The following PRPF38B variants were observed in gnomAD, a reference collection of about 807,000 sequenced individuals.
The protein encoded by PRPF38B is pre-mRNA processing factor 38B.
In PRPF38B, 18 loss-of-function variants were observed where a neutral mutation model predicts 67.2. The observed-to-expected ratio is 0.27, with a 90% confidence interval of 0.19 to 0.40. The LOEUF (loss-of-function observed/expected upper bound fraction) is 0.40, where lower values mean the gene tolerates loss of function less well. PRPF38B is among the 10% of genes least tolerant of loss of function. The probability of loss-of-function intolerance (pLI) is 1.00; values close to 1 mark genes in which losing one functional copy is unlikely to be tolerated. For synonymous variants in PRPF38B, 246 were observed against 234.2 expected (o/e 1.05, Z -0.46); for missense variants, 544 against 684.9 (o/e 0.79, Z 2.30).
At chr1:108,696,778 C>T (rs1182338766) in intron 4 of PRPF38B, 4 of 716,200 alleles carry the variant, frequency 5.6e-6, no homozygotes, top group African/African-American at 5.2e-5. Flanking sequence ...TCAGTATTCC[C>T]ACTTGCATAG....
intron 4 of PRPF38B, chr1:108,697,632 T>C (rs534254727): frequency 2.6e-5 from 4 of 152,166 alleles, no homozygotes; most frequent in Non-Finnish European, 5.9e-5. Context: ...GGTCTTTTTA[T>C]CTTTAGATCA....
At chr1:108,697,538 C>CTTTTTTTTTTTCTTTTTTTT (rs1660015166) in intron 4 of PRPF38B, 1 of 146,072 alleles carries the variant, frequency 6.8e-6, no homozygotes, top group African/African-American at 2.6e-5. Context: ...TTATTTTTCT[C>CTTTTTTTTTTTCTTTTTTTT]TTTTTTTTTT....
intron 1 of PRPF38B, among the ~76,000 whole-genome samples, chr1:108,695,100 G>C (rs1180542507): frequency 6.6e-6 from 1 of 152,020 alleles, no homozygotes; most frequent in Non-Finnish European, 1.5e-5. Flanking sequence ...TGACCCTGGT[G>C]GAAAAAATGT....
chr1:108,692,881 AGGCCTT>A lies in PRPF38B; in HGVS notation c.276+18_276+23del. On this transcript the variant is annotated intron_variant, in intron 1 of 5. Coordinates refer to ENST00000370025, the MANE Select transcript of PRPF38B (RefSeq NM_018061.4). ...ATCTACTTTAAGGTACGAAGTGTGT[AGGCCTT>A]GGCTTTGGGGGTAAGTTCGGAAGAG... 6.2e-7 allele frequency: 1 copy of A among 1,601,758 alleles called. No homozygotes were observed. The highest frequency in any genetic ancestry group is 8.5e-7 in the Non-Finnish European group (1 of 1,171,872).
In PRPF38B at chr1:108,692,325, G is replaced by A. The variant is rs1659365947; in HGVS notation, c.-267G>A. The A allele has an allele frequency of 3.9e-6, 2 of 514,534 alleles. No homozygotes were observed. The highest frequency in any genetic ancestry group is 6.9e-6 in the Non-Finnish European group (2 of 289,184). 31.9% of individuals were successfully genotyped at this position (514,534 alleles called of 1,614,324 possible). ...CGGGCCCGCCATCTTGTTCCCAGGGGCAGTTGGCGGAAGAGATCGAGCTCC... is the reference window on the plus strand; with the variant it reads ...CGGGCCCGCCATCTTGTTCCCAGGGACAGTTGGCGGAAGAGATCGAGCTCC... On this transcript the variant is annotated 5_prime_UTR_variant, in exon 1 of 6. Transcript: ENST00000370025.
rs1209984968 is a variant in PRPF38B, at chr1:108,696,331, T to C, written c.552T>C (p.Asp184=). 4 of 1,608,180 alleles carry C rather than the reference T, an allele frequency of 2.5e-6. No individual in the cohort carries two copies. The highest frequency in any genetic ancestry group is 2.2e-5 in the East Asian group (1 of 44,804). The stretch of plus-strand genomic sequence containing the variant: ...ACTGGTTTGAATCCTTCCTTGATGA[T>C]GAAGAGGTATGTCAACAAGGGTAAT... ...LWDWFESFLD[D]EEDLDVKAGG... The change falls in exon 4 of 6, where the codon GAT becomes GAC. Residue 184 remains aspartate, a synonymous_variant. Coordinates refer to ENST00000370025, the MANE Select transcript of PRPF38B (RefSeq NM_018061.4).
Position 108,699,788 on chromosome 1 carries a change from G to A in PRPF38B, c.1409G>A (p.Arg470Gln), listed in dbSNP as rs373588107. The change falls in exon 6 of 6, where the codon CGA (arginine) becomes CAA (glutamine). Residue 470 changes from arginine (R) to glutamine (Q), a missense_variant. Coordinates refer to ENST00000370025, the MANE Select transcript of PRPF38B (RefSeq NM_018061.4). ...KNESKEKSNK[R>Q]SRSGSQGRTD... Reference sequence around the variant, plus strand: ...GAAAGTAAAGAAAAATCAAATAAACGAAGTCGAAGTGGCAGTCAAGGAAGA... The same window carrying A: ...GAAAGTAAAGAAAAATCAAATAAACAAAGTCGAAGTGGCAGTCAAGGAAGA... 43 of 1,612,828 alleles carry A rather than the reference G, an allele frequency of 2.7e-5. No homozygotes were observed. The highest frequency in any genetic ancestry group is 3.2e-5 in the Non-Finnish European group (38 of 1,179,788).
chr1:108,698,572 TGACGGCTAG>T, intron 4 of PRPF38B, 23 bp from the exon 5 acceptor site: 1 of 1,466,570 alleles, frequency 6.8e-7, no homozygotes, highest in Middle Eastern at 1.8e-4. Context: ...ATACTTTTTT[TGACGGCTAG>T]GGTATCTTTT....
chr1:108,699,125 T>G, intron 5 of PRPF38B, 37 bp from the exon 6 acceptor site: 1 of 1,554,226 alleles, frequency 6.4e-7, no homozygotes. Flanking sequence ...ATATGTTTTA[T>G]TCATTGAAAT....
In PRPF38B at chr1:108,696,200, C is replaced by T. The variant is rs376249570; in HGVS notation, c.497+6C>T. The stretch of plus-strand genomic sequence containing the variant: ...CTTGGATTTATGTATATAAGGTGAG[C>T]GTACATTTATGTACATTTCCAGTAA... On this transcript the variant is annotated splice_donor_region_variant and intron_variant, in intron 3 of 5. Coordinates refer to ENST00000370025, the MANE Select transcript of PRPF38B (RefSeq NM_018061.4). The T allele has an allele frequency of 6.1e-5, 98 of 1,612,344 alleles. No individual in the cohort carries two copies. The highest frequency in any genetic ancestry group is 8.9e-5 in the East Asian group (4 of 44,840).
In PRPF38B at chr1:108,692,871, C is replaced by A. The variant is rs755100627; in HGVS notation, c.276+4C>A. ...GGTGGACGAGATCTACTTTAAGGTA[C>A]GAAGTGTGTAGGCCTTGGCTTTGGG... On this transcript the variant is annotated splice_donor_region_variant and intron_variant, in intron 1 of 5. Transcript: ENST00000370025. 1.2e-6 allele frequency: 2 copies of A among 1,613,306 alleles called. No individual in the cohort carries two copies. The highest frequency in any genetic ancestry group is 2.2e-5 in the South Asian group (2 of 91,010).
intron 1 of PRPF38B, among the ~76,000 whole-genome samples, chr1:108,693,068 C>A (rs1329975567): frequency 6.6e-6 from 1 of 152,050 alleles, no homozygotes; most frequent in Non-Finnish European, 1.5e-5. Context: ...TTTTTAGGGC[C>A]GGGAGAGCCC....
rs916095801 is a variant in PRPF38B at position 108,700,094 on chromosome 1, T to C, written c.*74T>C. The C allele has an allele frequency of 7.9e-6, 12 of 1,515,026 alleles. No homozygotes were observed. Among genetic ancestry groups the C allele is most frequent in the Non-Finnish European group, 1.1e-5 (12 of 1,137,876 alleles). 93.8% of individuals were successfully genotyped at this position (1,515,026 alleles called of 1,614,324 possible). ...CTGCTTTTTTCCCCCACGTTGAGAT[T>C]GTGCAGTAGTTCGCACTCCTCAAGC... On this transcript the variant is annotated 3_prime_UTR_variant, in exon 6 of 6. Coordinates refer to ENST00000370025, the MANE Select transcript of PRPF38B (RefSeq NM_018061.4).
rs957863297 is a variant in PRPF38B, at chr1:108,700,081, C to G, written c.*61C>G. 6.6e-6 allele frequency: 10 copies of G among 1,522,596 alleles called. No homozygotes were observed. Among genetic ancestry groups the G allele is most frequent in the African/African-American group, 4.2e-5 (3 of 71,778 alleles). 94.3% of individuals were successfully genotyped at this position (1,522,596 alleles called of 1,614,324 possible). ...TAAATGATTAAATCTGCTTTTTTCC[C>G]CCACGTTGAGATTGTGCAGTAGTTC... On this transcript the variant is annotated 3_prime_UTR_variant, in exon 6 of 6. Coordinates refer to ENST00000370025, the MANE Select transcript of PRPF38B (RefSeq NM_018061.4).
intron 2 of PRPF38B, 50 bp downstream of exon 2, chr1:108,695,820 G>C (rs1479250614): frequency 3.8e-6 from 6 of 1,579,516 alleles, no homozygotes; most frequent in East Asian, 4.5e-5. Context: ...TAATAACTAA[G>C]TTTATATTTA....
intron 2 of PRPF38B, 104 bp from the exon 3 acceptor site, chr1:108,695,939 G>A (rs1659822998): frequency 1.4e-6 from 2 of 1,404,234 alleles, no homozygotes; most frequent in African/African-American, 1.4e-5. Flanking sequence ...ATGCTCCTTA[G>A]TTCTGGATTA....
Position 108,696,352 on chromosome 1 carries a change from G to A in PRPF38B, c.558+15G>A, listed in dbSNP as rs1659856824. On this transcript the variant is annotated intron_variant, in intron 4 of 5. Transcript: ENST00000370025. The stretch of plus-strand genomic sequence containing the variant: ...ATGATGAAGAGGTATGTCAACAAGG[G>A]TAATAATTTGTTTTCTTCTGATTAC... 4 of 1,594,512 alleles carry A rather than the reference G, an allele frequency of 2.5e-6. No homozygotes were observed. The South Asian group carries it at 4.5e-5, about 18-fold the overall frequency.
chr1:108,701,563 G>A lies in PRPF38B; in HGVS notation c.*1543G>A, dbSNP rs1015401080. 2.0e-5 allele frequency: 3 copies of A among 152,214 alleles called. No homozygotes were observed. The highest frequency in any genetic ancestry group is 4.8e-5 in the African/African-American group (2 of 41,462). 9.4% of individuals were successfully genotyped at this position (152,214 alleles called of 1,614,324 possible). A position where few individuals can be genotyped will look rare whatever the true frequency, so the allele number is the denominator to read the frequency against. ...TTAGAAAAGAAAATAGAGGCCCAAAGTAATGATGTCAGTGCTAGGGCTAAA... is the reference window on the plus strand; with the variant it reads ...TTAGAAAAGAAAATAGAGGCCCAAAATAATGATGTCAGTGCTAGGGCTAAA... On this transcript the variant is annotated 3_prime_UTR_variant, in exon 6 of 6. Transcript: ENST00000370025.
intron 1 of PRPF38B, among the ~76,000 whole-genome samples, chr1:108,693,359 T>G (rs1375272321): frequency 6.7e-6 from 1 of 148,488 alleles, no homozygotes. Context: ...TCGGGTGGGG[T>G]GGGGGGATGA....
Sources: gnomAD v4.1 joint callset for allele counts (sites outside exome capture counted in the v4.1 genomes callset) on GRCh38, gnomAD v4.1.1 for gene constraint, MANE v1.5 for transcripts, NCBI Gene and HGNC (gene_info 2026-07-23, HGNC 2026-07-21) for gene names.